Variants in UACA observed in about 807,000 individuals in gnomAD.
UACA encodes nuclear membrane binding protein.
A neutral mutation model predicts 160.5 loss-of-function variants in UACA; 112 were observed. The observed-to-expected ratio is 0.70, with a 90% CI of 0.60 to 0.82. The LOEUF (loss-of-function observed/expected upper bound fraction) is 0.82, where lower values mean the gene tolerates loss of function less well. Ranked by LOEUF, UACA falls within the 40% of genes least tolerant of loss-of-function variation. UACA has a pLI of 0.00. For missense variants in UACA, 1,574 were observed against 1,614.6 expected (o/e 0.97, Z 0.43); for synonymous variants, 557 against 568.4 (o/e 0.98, Z 0.29).
intron 1 of UACA, among the ~76,000 whole-genome samples, chr15:70,709,638 G>T (rs1249200075): frequency 6.6e-6 from 1 of 152,092 alleles, no homozygotes; most frequent in Non-Finnish European, 1.5e-5. Context: ...ACTCTTTTCT[G>T]TTAAAAAGTC....
In UACA at chr15:70,703,262, G is replaced by T; in HGVS notation, c.79-3602C>A. 2.3e-6 allele frequency: 3 copies of T among 1,286,976 alleles called. No homozygotes were observed. The South Asian group carries it at 3.7e-5, about 16-fold the overall frequency. 79.7% of individuals were successfully genotyped at this position (1,286,976 alleles called of 1,614,324 possible). On this transcript the variant is annotated intron_variant, in intron 1 of 18. Transcript: ENST00000322954. Reference sequence around the variant, plus strand: ...ACACTTCCTCTAAAAAGACACATTTGTGAAAATTGTTTCATGGGAATGCAA... The same window carrying T: ...ACACTTCCTCTAAAAAGACACATTTTTGAAAATTGTTTCATGGGAATGCAA...
chr15:70,741,696 G>A (rs1899540898), intron 1 of UACA, among the ~76,000 whole-genome samples: 1 of 152,130 alleles, frequency 6.6e-6, no homozygotes, highest in African/African-American at 2.4e-5. Flanking sequence ...AAAAGCAATA[G>A]TATACTATGT....
chr15:70,752,505 T>C (rs937213825), intron 1 of UACA, among the ~76,000 whole-genome samples: 1 of 152,162 alleles, frequency 6.6e-6, no homozygotes, highest in Non-Finnish European at 1.5e-5. Flanking sequence ...TGATGTATTA[T>C]ATGTGTTCTT....
the UACA span, among the ~76,000 whole-genome samples, chr15:70,771,337 G>C: frequency 5.3e-5 from 8 of 152,222 alleles, no homozygotes; most frequent in African/African-American, 1.9e-4. Context: ...GACAGTGACA[G>C]CTTTGAAACC....
chr15:70,664,119 A>G lies in UACA; in HGVS notation c.4113+543T>C, dbSNP rs1019319678. On this transcript the variant is annotated intron_variant, in intron 17 of 18. Coordinates refer to ENST00000322954, the MANE Select transcript of UACA (RefSeq NM_018003.4). ...GAATGTTCCTTGCCACTTCCTTGTA[A>G]GTGGCAGGACTTAGACCAGACCTTC... Among the ~76,000 whole-genome samples the G allele has an allele frequency of 3.3e-5, 5 of 152,330 alleles. 1 individual carries two copies. The South Asian group carries it at 8.3e-4, about 25-fold the overall frequency.
At chr15:70,688,450 A>G (rs927632425) in intron 5 of UACA, among the ~76,000 whole-genome samples, 3 of 152,194 alleles carry the variant, frequency 2.0e-5, no homozygotes, top group Non-Finnish European at 4.4e-5. Context: ...GACATACATT[A>G]TAAGCACAAA....
chr15:70,710,642 T>C (rs1294458279), intron 1 of UACA, among the ~76,000 whole-genome samples: 1 of 152,206 alleles, frequency 6.6e-6, no homozygotes, highest in Non-Finnish European at 1.5e-5. Flanking sequence ...TGACCCATGA[T>C]TAATTTGCTA....
At chr15:70,778,200 CAA>C in the UACA span, among the ~76,000 whole-genome samples, 19,688 of 128,354 alleles carry the variant, frequency 0.15, 1,523 homozygotes, top group African/African-American at 0.25. Context: ...GACCTGGTCT[CAA>C]AAAAAAAAAA....
intron 5 of UACA, among the ~76,000 whole-genome samples, chr15:70,690,058 A>C (rs1463075664): frequency 6.6e-6 from 1 of 152,120 alleles, no homozygotes; most frequent in African/African-American, 2.4e-5. Context: ...CAGACATGTT[A>C]ATTAGGTAAA....
At chr15:70,716,787 A>AGG (rs1387432037) in intron 1 of UACA, among the ~76,000 whole-genome samples, 1 of 152,212 alleles carries the variant, frequency 6.6e-6, no homozygotes, top group Non-Finnish European at 1.5e-5. Context: ...ATATGCAAGT[A>AGG]TTCATTTAAA....
chr15:70,704,947 G>A (rs763680488), intron 1 of UACA, among the ~76,000 whole-genome samples: 1 of 152,114 alleles, frequency 6.6e-6, no homozygotes, highest in African/African-American at 2.4e-5. Context: ...AATCAGAAGG[G>A]AGGTACAGAA....
intron 1 of UACA, among the ~76,000 whole-genome samples, chr15:70,703,803 T>G (rs945791332): frequency 2.0e-5 from 3 of 152,158 alleles, no homozygotes; most frequent in African/African-American, 7.2e-5. Context: ...TTTCACACCT[T>G]CCTTCATAGC....
chr15:70,739,140 T>C (rs1484747559), intron 1 of UACA, among the ~76,000 whole-genome samples: 1 of 152,158 alleles, frequency 6.6e-6, no homozygotes, highest in African/African-American at 2.4e-5. Context: ...CAATCTACCA[T>C]CTCTTAAGAG....
intron 9 of UACA, among the ~76,000 whole-genome samples, chr15:70,681,385 CCT>C: frequency 6.6e-6 from 1 of 152,020 alleles, no homozygotes; most frequent in South Asian, 2.1e-4. Context: ...AAAAAAAAGT[CCT>C]ATTTACAGCG....
chr15:70,750,791 C>T (rs1420306550), intron 1 of UACA, among the ~76,000 whole-genome samples: 5 of 152,144 alleles, frequency 3.3e-5, no homozygotes, highest in South Asian at 2.1e-4. Context: ...AAGACTGTGC[C>T]ACTGCACTCT....
At chr15:70,755,237 G>A (rs947725887) in intron 1 of UACA, among the ~76,000 whole-genome samples, 1 of 152,008 alleles carries the variant, frequency 6.6e-6, no homozygotes, top group Admixed American at 6.6e-5. Flanking sequence ...TAGAGAGGAA[G>A]GGAGAAGCAG....
chr15:70,674,350 A>C (rs1897238237), intron 13 of UACA, among the ~76,000 whole-genome samples: 1 of 152,188 alleles, frequency 6.6e-6, no homozygotes, highest in African/African-American at 2.4e-5. Context: ...GATGTACTAT[A>C]TGATCCCACC....
chr15:70,699,498 G>T lies in UACA; in HGVS notation c.212+29C>A, dbSNP rs1191867790. The T allele has an allele frequency of 1.9e-6, 3 of 1,602,082 alleles. No homozygotes were observed. The African/African-American group carries it at 4.0e-5, about 22-fold the overall frequency. On this transcript the variant is annotated intron_variant, in intron 2 of 18. Transcript: ENST00000322954. ...CCCAAGACTATCCAAATTCCCTTCA[G>T]ACATGCTTTTATCATCAATAATACT...
At chr15:70,661,295 T>C (rs1018571214) in intron 17 of UACA, 5 of 152,168 alleles carry the variant, frequency 3.3e-5, no homozygotes, top group African/African-American at 1.2e-4. Flanking sequence ...ACATTTGACA[T>C]CTCTCATCTT....
Sources: allele counts gnomAD v4.1 joint callset (sites outside exome capture counted in the v4.1 genomes callset), GRCh38; gene constraint gnomAD v4.1.1; transcripts MANE v1.5; gene names NCBI Gene and HGNC (gene_info 2026-07-23, HGNC 2026-07-21).